Variants in CC2D1A observed in about 807,000 individuals in gnomAD.
CC2D1A encodes coiled-coil and C2 domain-containing protein 1A.
CC2D1A carries 68 observed loss-of-function variants against 123.8 expected under a neutral mutation model. That is an observed-to-expected ratio of 0.55 (90% confidence interval 0.45 to 0.67). The LOEUF is 0.67. Ranked by LOEUF, CC2D1A falls within the 30% of genes least tolerant of loss-of-function variation. The pLI is 0.00. For missense variants in CC2D1A, 1,185 were observed against 1,290.3 expected (o/e 0.92, Z 1.25); for synonymous variants, 477 against 528.0 (o/e 0.90, Z 1.32).
At chr19:13,918,686 C>T (rs1157212050) in intron 8 of CC2D1A, 60 bp from the exon 9 acceptor site, 5 of 1,586,748 alleles carry the variant, frequency 3.2e-6, no homozygotes, top group African/African-American at 1.3e-5. Flanking sequence ...TCAGGCCAGA[C>T]CAGCTTGTCG....
Position 13,927,214 on chromosome 19 carries a change from G to C in CC2D1A, c.2265G>C (p.Gln755His). Residue 755 changes from glutamine to histidine, a missense_variant, in exon 22 of 29, where the codon CAG becomes CAC. Gln to His is a conservative substitution (Grantham distance 24, BLOSUM62 0). Coordinates refer to ENST00000318003, the MANE Select transcript of CC2D1A (RefSeq NM_017721.5). ...CTGACCGGGTGCTGGGGACAGCCCA[G>C]CTGAAGCTGGATGCACTGGAGATAG... ...FKTDRVLGTA[Q>H]LKLDALEIAC... The C allele has an allele frequency of 1.2e-6, 2 of 1,614,152 alleles. No homozygotes were observed. Among genetic ancestry groups the C allele is most frequent in the Non-Finnish European group, 1.7e-6 (2 of 1,180,036 alleles).
Position 13,912,377 on chromosome 19 carries a change from C to T in CC2D1A, c.251C>T (p.Pro84Leu), listed in dbSNP as rs184172956. ...EKMASLCMRD[P>L]DEDEEEGTDE... ...ATGGCCAGCCTGTGCATGAGAGACC[C>T]GGATGAGGATGAGGAGGAGGGGACG... The change falls in exon 3 of 29, where the codon CCG becomes CTG. Residue 84 changes from proline to leucine, a missense_variant. Coordinates refer to ENST00000318003, the MANE Select transcript of CC2D1A (RefSeq NM_017721.5). 46 of 1,613,254 alleles carry T rather than the reference C, an allele frequency of 2.9e-5. No homozygotes were observed. The Admixed American group carries it at 4.5e-4, about 16-fold the overall frequency.
chr19:13,912,764 C>T (rs536566546), intron 4 of CC2D1A, among the ~76,000 whole-genome samples, 171 bp downstream of exon 4: 1 of 152,278 alleles, frequency 6.6e-6, no homozygotes, highest in African/African-American at 2.4e-5. Context: ...GGGATCCTCC[C>T]ACCTCAGCCT....
At chr19:13,917,799 C>T (rs1271318166) in intron 6 of CC2D1A, among the ~76,000 whole-genome samples, 1 of 151,998 alleles carries the variant, frequency 6.6e-6, no homozygotes, top group African/African-American at 2.4e-5. Flanking sequence ...GCCAACACGG[C>T]GAAACCCTGT....
At chr19:13,915,981 C>A (rs566932578) in intron 6 of CC2D1A, among the ~76,000 whole-genome samples, 29 of 151,840 alleles carry the variant, frequency 1.9e-4, no homozygotes, top group Non-Finnish European at 2.8e-4. Context: ...AGGGGCTGGG[C>A]GTGGTGGTTC....
rs1417764953 is a variant in CC2D1A at position 13,912,528 on chromosome 19, G to A, written c.313G>A (p.Ala105Thr). 2 of 1,614,162 alleles carry A rather than the reference G, an allele frequency of 1.2e-6. No homozygotes were observed. Among genetic ancestry groups the A allele is most frequent in the Non-Finnish European group, 1.7e-6 (2 of 1,180,032 alleles). Residue 105 changes from alanine (A) to threonine (T), a missense_variant and splice_region_variant, in exon 4 of 29, where the codon GCG (alanine) becomes ACG (threonine). By Grantham distance (58) the Ala-to-Thr change is moderately conservative. Transcript: ENST00000318003. ...DDLEADDDLL[A>T]ELNEVLGEEQ... ...CTGCCCTGGCTGTGTGTCCCTGCAGGCGGAGCTAAATGAGGTCCTTGGAGA... is the reference window on the plus strand; with the variant it reads ...CTGCCCTGGCTGTGTGTCCCTGCAGACGGAGCTAAATGAGGTCCTTGGAGA...
Position 13,918,095 on chromosome 19 carries a change from C to A in CC2D1A, c.774C>A (p.Ala258=). 6.2e-7 allele frequency: 1 copy of A among 1,612,968 alleles called. No individual in the cohort carries two copies. Among genetic ancestry groups the A allele is most frequent in the Non-Finnish European group, 8.5e-7 (1 of 1,179,948 alleles). The change falls in exon 7 of 29, where the codon GCC becomes GCA. Residue 258 remains alanine (A), a synonymous_variant. Coordinates refer to ENST00000318003, the MANE Select transcript of CC2D1A (RefSeq NM_017721.5). The part of the protein sequence containing the change: ...PPGPCSPGPL[A]QLQSRQRDYK... ...GTCCCTGCAGCCCTGGCCCTCTGGC[C>A]CAGTTGCAGAGCCGCCAGCGCGACT...
chr19:13,918,819 T>C lies in CC2D1A; in HGVS notation c.1018+2T>C. The C allele has an allele frequency of 6.2e-7, 1 of 1,613,298 alleles. No individual in the cohort carries two copies. ...CCGCTACGGCGCCCTCCACAACAGG[T>C]AGGTTCTGGGACCCTCTGGGGTTGG... On this transcript the variant is annotated splice_donor_variant, in intron 9 of 28. Coordinates refer to ENST00000318003, the MANE Select transcript of CC2D1A (RefSeq NM_017721.5). LOFTEE classifies it high-confidence loss of function.
chr19:13,911,978 G>A (rs192960784), intron 2 of CC2D1A, among the ~76,000 whole-genome samples: 1 of 152,120 alleles, frequency 6.6e-6, no homozygotes, highest in African/African-American at 2.4e-5. Flanking sequence ...GCCTCCCAAA[G>A]TGCTGGGGTT....
In CC2D1A at chr19:13,919,161, C is replaced by CTTG; in HGVS notation, c.1182_1183insTGT (p.Ala394_Gly395insCys). The CTTG allele has an allele frequency of 6.2e-7, 1 of 1,612,714 alleles. No homozygotes were observed. ...CAAGATGCCATCCGAGCCCACAAGG[C>CTTG]TGGCCGAGCCGTGGATGTCGCTGAA... On this transcript the variant is annotated inframe_insertion, in exon 11 of 29. Coordinates refer to ENST00000318003, the MANE Select transcript of CC2D1A (RefSeq NM_017721.5).
intron 12 of CC2D1A, 98 bp from the exon 13 acceptor site, chr19:13,920,459 T>A: frequency 1.3e-6 from 1 of 760,594 alleles, no homozygotes; most frequent in Non-Finnish European, 2.3e-6. Context: ...GGGAGCCCAC[T>A]AAATGACCAC....
chr19:13,926,115 C>G (rs1599404264), intron 17 of CC2D1A, among the ~76,000 whole-genome samples: 1 of 148,208 alleles, frequency 6.7e-6, no homozygotes, highest in East Asian at 2.0e-4. Flanking sequence ...AGAAGGTCCC[C>G]CAGCAGCTGG....
rs201959405 is a variant in CC2D1A, at chr19:13,929,556, G to A, written c.2606G>A (p.Arg869Gln). 44 of 1,610,808 alleles carry A rather than the reference G, an allele frequency of 2.7e-5. No individual in the cohort carries two copies. The highest frequency in any genetic ancestry group is 2.0e-4 in the South Asian group (18 of 90,948). ...TAGATCCTGGCCCTCAGGCAGGCGC[G>A]GCGGCCGGTGCCCCCAGAAGTGGCC... The part of the protein sequence containing the change: ...ERKILALRQA[R>Q]RPVPPEVAQQ... The change falls in exon 26 of 29, where the codon CGG becomes CAG. Residue 869 changes from arginine to glutamine, a missense_variant. Coordinates refer to ENST00000318003, the MANE Select transcript of CC2D1A (RefSeq NM_017721.5).
rs536425398 is a variant in CC2D1A, at chr19:13,920,798, A to G, written c.1517A>G (p.Gln506Arg). 65 of 1,614,130 alleles carry G rather than the reference A, an allele frequency of 4.0e-5. No individual in the cohort carries two copies. In the East Asian group the frequency reaches 7.1e-4, roughly 18 times the overall value. ...FLEGRKKQLLQAALRAKQKND... is the reference protein window; with the variant it reads ...FLEGRKKQLLRAALRAKQKND... The stretch of plus-strand genomic sequence containing the variant: ...GAGGGCCGCAAGAAGCAGCTCCTGC[A>G]GGCCGCACTGCGAGCCAAGCAGAAA... The change falls in exon 14 of 29, where the codon CAG becomes CGG. Residue 506 changes from glutamine to arginine, a missense_variant. By Grantham distance (43) the Gln-to-Arg change is conservative. Coordinates refer to ENST00000318003, the MANE Select transcript of CC2D1A (RefSeq NM_017721.5).
intron 22 of CC2D1A, chr19:13,927,469 A>G (rs1971684349): frequency 3.4e-6 from 2 of 580,582 alleles, no homozygotes; most frequent in Admixed American, 3.0e-5. Context: ...CAGCCATACC[A>G]TGGGCTCATA....
chr19:13,929,971 G>A (rs1432538775), intron 26 of CC2D1A, 107 bp from the exon 27 acceptor site: 3 of 1,100,730 alleles, frequency 2.7e-6, no homozygotes, highest in Non-Finnish European at 2.6e-6. Flanking sequence ...AGGGGCTCGG[G>A]GATGGGCACC....
At position 13,912,472 on chromosome 19, in the gene CC2D1A, C is replaced by T. The variant is rs375940623; in HGVS notation, c.312+34C>T. ...TGAGGGCGGGGTGGGGGCTCTGATC[C>T]GGTTGCCCCCATCCAGCAGGCCCTT... On this transcript the variant is annotated intron_variant, in intron 3 of 28. Transcript: ENST00000318003. The T allele has an allele frequency of 5.9e-5, 96 of 1,613,982 alleles. No individual in the cohort carries two copies. The African/African-American group carries it at 8.0e-4, about 13-fold the overall frequency.
At chr19:13,911,513 TG>T (rs1568404360) in intron 2 of CC2D1A, among the ~76,000 whole-genome samples, 2 of 150,262 alleles carry the variant, frequency 1.3e-5, no homozygotes, top group African/African-American at 4.9e-5. Context: ...GTTGCAGAGC[TG>T]GGGTTTTTTT....
intron 17 of CC2D1A, among the ~76,000 whole-genome samples, chr19:13,924,946 G>A (rs1399964073): frequency 6.6e-6 from 1 of 152,022 alleles, no homozygotes; most frequent in South Asian, 2.1e-4. Flanking sequence ...ACTCTTTTTG[G>A]TCCCTCCTAC....
Sources: allele counts gnomAD v4.1 joint callset (sites outside exome capture counted in the v4.1 genomes callset), GRCh38; gene constraint gnomAD v4.1.1; transcripts MANE v1.5; gene names NCBI Gene and HGNC (gene_info 2026-07-23, HGNC 2026-07-21).